Variants in ALCAM observed in about 807,000 individuals in gnomAD.
The protein encoded by ALCAM is activated leukocyte cell adhesion molecule.
ALCAM carries 30 observed loss-of-function variants against 70.9 expected under a neutral mutation model. That is an observed-to-expected ratio of 0.42 (90% CI 0.32 to 0.57). The LOEUF is 0.57. Among genes scored for constraint, ALCAM ranks in the 20% least tolerant of loss-of-function variants. The pLI, the probability that ALCAM is intolerant of heterozygous loss-of-function variation, is 0.11. For missense variants in ALCAM, 591 were observed against 695.1 expected (o/e 0.85, Z 1.68); for synonymous variants, 249 against 242.5 (o/e 1.03, Z -0.25).
At chr3:105,511,111 T>G (rs1011551121) in intron 1 of ALCAM, among the ~76,000 whole-genome samples, 1 of 152,030 alleles carries the variant, frequency 6.6e-6, no homozygotes, top group East Asian at 1.9e-4. Context: ...GAAGAATGAC[T>G]GTCAGGAAAA....
intron 3 of ALCAM, among the ~76,000 whole-genome samples, chr3:105,529,485 T>A (rs1242641623): frequency 6.6e-6 from 1 of 152,122 alleles, no homozygotes; most frequent in Non-Finnish European, 1.5e-5. Flanking sequence ...CAACCTAATA[T>A]AAAAGAAAAT....
intron 1 of ALCAM, among the ~76,000 whole-genome samples, chr3:105,455,284 A>T (rs1937520274): frequency 6.6e-6 from 1 of 151,712 alleles, no homozygotes. Flanking sequence ...TACTAAAAAT[A>T]CAAAAAAATT....
In ALCAM at chr3:105,533,662, T is replaced by G. The variant is rs771054944; in HGVS notation, c.519T>G (p.Asn173Lys). Reference protein sequence around the residue: ...YPDGNITWYRNGKVLHPLEGA... With the variant: ...YPDGNITWYRKGKVLHPLEGA... ...ATGGCAATATCACATGGTACAGGAA[T>G]GGAAAAGTGCTACATCCCCTTGAAG... Residue 173 changes from asparagine (N) to lysine (K), a missense_variant, in exon 5 of 16, where the codon AAT becomes AAG. Physicochemically the swap from Asn to Lys is moderately conservative, Grantham distance 94 (BLOSUM62 0). Transcript: ENST00000306107. 4 of 1,611,892 alleles carry G rather than the reference T, an allele frequency of 2.5e-6. No individual in the cohort carries two copies.
At chr3:105,479,528 T>C (rs1005837260) in intron 1 of ALCAM, among the ~76,000 whole-genome samples, 4 of 150,716 alleles carry the variant, frequency 2.7e-5, no homozygotes, top group Non-Finnish European at 5.9e-5. Flanking sequence ...AAATGGAACA[T>C]ATGAATTTCT....
intron 1 of ALCAM, among the ~76,000 whole-genome samples, chr3:105,457,087 C>T (rs1937543582): frequency 6.6e-6 from 1 of 152,150 alleles, no homozygotes; most frequent in South Asian, 2.1e-4. Flanking sequence ...CTCCACCCTC[C>T]ATTAGAGTTA....
intron 8 of ALCAM, chr3:105,544,856 T>C (rs1048169719): frequency 9.6e-6 from 2 of 207,720 alleles, no homozygotes; most frequent in African/African-American, 4.7e-5. Context: ...TGCCTTACTG[T>C]CTCTTTATAT....
At chr3:105,401,432 T>C (rs1936087186) in intron 1 of ALCAM, among the ~76,000 whole-genome samples, 2 of 152,212 alleles carry the variant, frequency 1.3e-5, no homozygotes, top group African/African-American at 4.8e-5. Context: ...AATAGTCAGA[T>C]AGCATTGTCA....
At chr3:105,523,604 A>G (rs116684797) in intron 2 of ALCAM, among the ~76,000 whole-genome samples, 124 of 152,346 alleles carry the variant, frequency 8.1e-4, no homozygotes, top group Non-Finnish European at 1.5e-3. Context: ...TATATGTCTC[A>G]GTGCTCTTGG....
intron 1 of ALCAM, among the ~76,000 whole-genome samples, chr3:105,450,000 A>G (rs1423649700): frequency 6.6e-6 from 1 of 152,226 alleles, no homozygotes; most frequent in East Asian, 1.9e-4. Context: ...TAACAAAGGA[A>G]GCACAATAGA....
intron 14 of ALCAM, among the ~76,000 whole-genome samples, chr3:105,561,734 C>T (rs1220512386): frequency 6.6e-6 from 1 of 152,086 alleles, no homozygotes; most frequent in Non-Finnish European, 1.5e-5. Flanking sequence ...ATTCACAGAA[C>T]TTACTAAAAT....
Position 105,402,803 on chromosome 3 carries a change from C to T in ALCAM, c.73+35322C>T, listed in dbSNP as rs555267129. 2.0e-5 allele frequency among the ~76,000 whole-genome samples: 3 copies of T among 152,146 alleles called. No individual in the cohort carries two copies. In the East Asian group the frequency reaches 5.8e-4, roughly 29 times the overall value. On this transcript the variant is annotated intron_variant, in intron 1 of 15. Coordinates refer to ENST00000306107, the MANE Select transcript of ALCAM (RefSeq NM_001627.4). ...CTACCTAGTGGTCATCCTCTGCCTG[C>T]CCAGGTAGCCAAAGACAAAGATCAT...
intron 1 of ALCAM, among the ~76,000 whole-genome samples, chr3:105,463,627 T>C (rs975101574): frequency 5.3e-5 from 8 of 151,470 alleles, no homozygotes; most frequent in Middle Eastern, 3.2e-3. Context: ...ATCATAAGGC[T>C]AGACTAATTC....
chr3:105,553,826 A>C (rs1156543600), intron 14 of ALCAM, among the ~76,000 whole-genome samples: 3 of 151,964 alleles, frequency 2.0e-5, no homozygotes, highest in Admixed American at 1.3e-4. Context: ...TGTAGGGCAC[A>C]GAATTGTTAT....
At position 105,523,139 on chromosome 3, in the gene ALCAM, CAAAAAAAAAAAAAAA is replaced by C. The variant is rs59478384; in HGVS notation, c.175-1137_175-1123del. On this transcript the variant is annotated intron_variant, in intron 2 of 15. Coordinates refer to ENST00000306107, the MANE Select transcript of ALCAM (RefSeq NM_001627.4). ...TGGGCGACAGAGCGAGACTCCGTCT[CAAAAAAAAAAAAAAA>C]AAAAAAAAAAAAGAAAGCCCAAAGA... Among the ~76,000 whole-genome samples, 654 of 87,050 alleles carry C rather than the reference CAAAAAAAAAAAAAAA, an allele frequency of 7.5e-3. 7 individuals carry two copies. The highest frequency in any genetic ancestry group is 0.056 in the Middle Eastern group (7 of 126). The allele number at this position is 87,050 out of a possible 152,430, so 57.1% of individuals were successfully genotyped here.
intron 1 of ALCAM, among the ~76,000 whole-genome samples, chr3:105,450,183 G>T (rs1047412172): frequency 7.9e-5 from 12 of 152,242 alleles, no homozygotes; most frequent in African/African-American, 2.9e-4. Flanking sequence ...AAATGGTTGA[G>T]ATACCCCAAG....
At chr3:105,437,901 T>C (rs1937087016) in intron 1 of ALCAM, among the ~76,000 whole-genome samples, 1 of 152,148 alleles carries the variant, frequency 6.6e-6, no homozygotes, top group Admixed American at 6.5e-5. Context: ...TAGGAAAATG[T>C]ATATTTTTAT....
chr3:105,551,279 T>A (rs186423312), intron 12 of ALCAM, among the ~76,000 whole-genome samples: 2 of 151,818 alleles, frequency 1.3e-5, no homozygotes, highest in Admixed American at 6.6e-5. Context: ...TATTGATTTG[T>A]CCCACCTAGG....
chr3:105,524,850 T>C, intron 3 of ALCAM: 1 of 1,020,536 alleles, frequency 9.8e-7, no homozygotes, highest in African/African-American at 1.7e-5. Context: ...CATACATAGA[T>C]ATATGATATA....
intron 1 of ALCAM, among the ~76,000 whole-genome samples, chr3:105,447,607 G>A (rs73183114): frequency 0.15 from 22,719 of 152,128 alleles, 1,789 homozygotes; most frequent in Middle Eastern, 0.18. Context: ...CAGCTACTCC[G>A]GAGACTGAGG....
Sources: gnomAD v4.1 joint callset for allele counts (sites outside exome capture counted in the v4.1 genomes callset) on GRCh38, gnomAD v4.1.1 for gene constraint, MANE v1.5 for transcripts, NCBI Gene and HGNC (gene_info 2026-07-23, HGNC 2026-07-21) for gene names.